Variants in WWP2 observed in about 807,000 individuals in gnomAD.
WWP2 encodes NEDD4-like E3 ubiquitin-protein ligase WWP2.
A neutral mutation model predicts 121.0 loss-of-function variants in WWP2; 57 were observed. That is an observed-to-expected ratio of 0.47 (90% confidence interval 0.38 to 0.59). The LOEUF (loss-of-function observed/expected upper bound fraction) is 0.59, where lower values mean the gene tolerates loss of function less well. Among genes scored for constraint, WWP2 ranks in the 20% least tolerant of loss-of-function variants. The pLI is 0.00. For synonymous variants in WWP2, 449 were observed against 441.3 expected, an observed-to-expected ratio of 1.02 and a Z score of -0.22; for missense variants, 962 against 1,158.9, an observed-to-expected ratio of 0.83 and a Z score of 2.47.
chr16:69,858,251 G>A (rs2057354383), intron 6 of WWP2, among the ~76,000 whole-genome samples: 1 of 152,158 alleles, frequency 6.6e-6, no homozygotes. Flanking sequence ...GAAGGGGCTT[G>A]GGGGAAGTGG....
At chr16:69,813,966 TCAGCTAACC>T (rs1358639221) in intron 4 of WWP2, among the ~76,000 whole-genome samples, 1 of 152,180 alleles carries the variant, frequency 6.6e-6, no homozygotes, top group African/African-American at 2.4e-5. Context: ...ATTAAGATCA[TCAGCTAACC>T]CAGTGGTTTT....
intron 6 of WWP2, among the ~76,000 whole-genome samples, chr16:69,846,637 C>T (rs1282072544): frequency 6.6e-6 from 1 of 151,856 alleles, no homozygotes; most frequent in Non-Finnish European, 1.5e-5. Flanking sequence ...AGGAGAATCA[C>T]TTGAACCCCC....
intron 6 of WWP2, among the ~76,000 whole-genome samples, chr16:69,842,390 G>C (rs867859075): frequency 5.3e-5 from 8 of 152,004 alleles, no homozygotes; most frequent in African/African-American, 1.9e-4. Flanking sequence ...TGGGTATATT[G>C]CATGATGTTG....
chr16:69,881,846 C>A (rs2057835598), intron 7 of WWP2, among the ~76,000 whole-genome samples: 1 of 152,226 alleles, frequency 6.6e-6, no homozygotes, highest in South Asian at 2.1e-4. Context: ...CACACGCCAC[C>A]ACACCCAGCT....
intron 1 of WWP2, among the ~76,000 whole-genome samples, chr16:69,777,738 G>A (rs1268155511): frequency 6.6e-6 from 1 of 151,506 alleles, no homozygotes; most frequent in Non-Finnish European, 1.5e-5. Flanking sequence ...GAGGAAATAT[G>A]TTGTTTGTAT....
intron 4 of WWP2, among the ~76,000 whole-genome samples, chr16:69,829,207 G>A (rs1269367671): frequency 6.6e-6 from 1 of 152,032 alleles, no homozygotes; most frequent in Non-Finnish European, 1.5e-5. Flanking sequence ...GTCCTTTCCT[G>A]GCTGCCAAAA....
intron 4 of WWP2, among the ~76,000 whole-genome samples, chr16:69,831,111 AT>A (rs2056786015): frequency 1.3e-5 from 2 of 152,184 alleles, no homozygotes; most frequent in Admixed American, 1.3e-4. Context: ...TAATGGCCAA[AT>A]CAGTCACATC....
chr16:69,803,485 G>A (rs998132307), intron 4 of WWP2, among the ~76,000 whole-genome samples: 2 of 151,990 alleles, frequency 1.3e-5, no homozygotes, highest in African/African-American at 2.4e-5. Context: ...TCAACATGTC[G>A]TTTTGCAGTT....
At chr16:69,850,260 G>A (rs539478941) in intron 6 of WWP2, among the ~76,000 whole-genome samples, 5 of 152,004 alleles carry the variant, frequency 3.3e-5, no homozygotes, top group Admixed American at 6.6e-5. Flanking sequence ...GGTGGTGTGC[G>A]CCTGTAGTCC....
chr16:69,924,683 C>T (rs2058612509), intron 10 of WWP2, among the ~76,000 whole-genome samples: 1 of 148,722 alleles, frequency 6.7e-6, no homozygotes, highest in African/African-American at 2.5e-5. Context: ...TGCTGCCCCA[C>T]CCCCAGCCCC....
In WWP2 at chr16:69,907,339, T is replaced by C. The variant is rs1463488552; in HGVS notation, c.915-1422T>C. Among the ~76,000 whole-genome samples the C allele has an allele frequency of 5.9e-5, 9 of 152,264 alleles. No individual in the cohort carries two copies. In the South Asian group the frequency reaches 1.5e-3, roughly 25 times the overall value. On this transcript the variant is annotated intron_variant, in intron 8 of 23. Coordinates refer to ENST00000359154, the MANE Select transcript of WWP2 (RefSeq NM_001270454.2). ...ACAGACAAAATCACGCATAAGCAAA[T>C]AGAATTCCCATTATGCTCACATCGT...
In WWP2 at chr16:69,925,363, G is replaced by T. The variant is rs1284242518; in HGVS notation, c.1180-67G>T. The T allele has an allele frequency of 1.3e-6, 2 of 1,585,734 alleles. No homozygotes were observed. Among genetic ancestry groups the T allele is most frequent in the African/African-American group, 1.4e-5 (1 of 73,484 alleles). ...GTCATTGGCATTTTTATTTTTTATT[G>T]ATTGATTGATTTTTTCACCAGTGGC... is the stretch of plus-strand genomic sequence containing the variant. On this transcript the variant is annotated intron_variant, in intron 10 of 23. Transcript: ENST00000359154. This position sits in a 1 kb window ranked among gnomAD's most constrained non-coding sequence, Gnocchi z 4.0.
In WWP2 at chr16:69,931,843, C is replaced by T. The variant is rs1408186887; in HGVS notation, c.1635C>T (p.Tyr545=). 4 of 1,613,842 alleles carry T rather than the reference C, an allele frequency of 2.5e-6. No individual in the cohort carries two copies. Among genetic ancestry groups the T allele is most frequent in the Admixed American group, 3.3e-5 (2 of 60,024 alleles). ...CCTATGACCTGCGCCGCCGGCTCTA[C>T]ATCATCATGCGTGGCGAGGAGGGCC... The part of the protein sequence containing the change: ...MKPYDLRRRL[Y]IIMRGEEGLD... Residue 545 remains tyrosine (Y), a synonymous_variant, in exon 16 of 24, where the codon TAC becomes TAT. Coordinates refer to ENST00000359154, the MANE Select transcript of WWP2 (RefSeq NM_001270454.2).
chr16:69,825,400 G>C (rs1428212258), intron 4 of WWP2, among the ~76,000 whole-genome samples: 1 of 150,586 alleles, frequency 6.6e-6, no homozygotes, highest in Admixed American at 6.6e-5. Flanking sequence ...CTCCAGCCTG[G>C]GCAACAGAGC....
chr16:69,888,336 T>A, intron 8 of WWP2, 87 bp downstream of exon 8: 1 of 1,397,538 alleles, frequency 7.2e-7, no homozygotes, highest in South Asian at 1.4e-5. Flanking sequence ...GGTTATTTAT[T>A]ACCTAGTGGC....
intron 9 of WWP2, among the ~76,000 whole-genome samples, chr16:69,916,110 G>A (rs995495777): frequency 6.6e-6 from 1 of 152,094 alleles, no homozygotes; most frequent in South Asian, 2.1e-4. Context: ...AGAAAGCTAG[G>A]AAGGTTCCAG....
At chr16:69,811,520 G>A (rs2056392268) in intron 4 of WWP2, among the ~76,000 whole-genome samples, 1 of 152,062 alleles carries the variant, frequency 6.6e-6, no homozygotes, top group African/African-American at 2.4e-5. Flanking sequence ...GGCTGAGGTG[G>A]GAGGCCCTCT....
At chr16:69,785,453 A>G (rs999707695) in intron 1 of WWP2, among the ~76,000 whole-genome samples, 1 of 152,136 alleles carries the variant, frequency 6.6e-6, no homozygotes, top group Non-Finnish European at 1.5e-5. Context: ...GCATAATGAA[A>G]TGTGTCAACA....
chr16:69,799,630 C>A lies in WWP2; in HGVS notation c.340+335C>A. 1 of 249,920 alleles carries A rather than the reference C, an allele frequency of 4.0e-6. No homozygotes were observed. The highest frequency in any genetic ancestry group is 7.8e-6 in the Non-Finnish European group (1 of 127,952). 15.5% of individuals were successfully genotyped at this position (249,920 alleles called of 1,614,324 possible). A position where few individuals can be genotyped will look rare whatever the true frequency, so the allele number is the denominator to read the frequency against. On this transcript the variant is annotated intron_variant, in intron 4 of 23. Coordinates refer to ENST00000359154, the MANE Select transcript of WWP2 (RefSeq NM_001270454.2). This position sits in a 1 kb window ranked among gnomAD's most constrained non-coding sequence, Gnocchi z 4.5. ...GAATGAAACTGTCAAATACCTCTAG[C>A]CTAAATCATTGCTTTTCTAGCCTCA... is the stretch of plus-strand genomic sequence containing the variant.
Sources: gnomAD v4.1 joint callset for allele counts (sites outside exome capture counted in the v4.1 genomes callset) on GRCh38, gnomAD v4.1.1 for gene constraint, Gnocchi (gnomAD v3.1) non-coding constraint, MANE v1.5 for transcripts, NCBI Gene and HGNC (gene_info 2026-07-23, HGNC 2026-07-21) for gene names.